CLASRP: variants seen among roughly 807,000 people sequenced by gnomAD.
CLASRP encodes the protein CLK4-associating serine/arginine rich protein.
Under a neutral mutation model 99.9 loss-of-function variants are expected in CLASRP, and 52 were observed. That is an observed-to-expected ratio of 0.52 (90% confidence interval 0.42 to 0.66). The LOEUF is 0.66. CLASRP is among the 30% of genes least tolerant of loss of function. The probability of loss-of-function intolerance (pLI) is 0.00; values close to 1 mark genes in which losing one functional copy is unlikely to be tolerated. For synonymous variants in CLASRP, 379 were observed against 373.0 expected (o/e 1.02, Z -0.18); for missense variants, 848 against 999.2 (o/e 0.85, Z 2.04).
intron 2 of CLASRP, among the ~76,000 whole-genome samples, chr19:45,045,526 A>AG (rs1555729627): frequency 2.6e-5 from 4 of 151,998 alleles, no homozygotes; most frequent in Non-Finnish European, 5.9e-5. Flanking sequence ...TTAAAAAAAA[A>AG]GTTTCGGGAT....
intron 5 of CLASRP, among the ~76,000 whole-genome samples, chr19:45,053,859 G>A (rs1438815231): frequency 6.6e-6 from 1 of 152,164 alleles, no homozygotes; most frequent in Non-Finnish European, 1.5e-5. Context: ...GGGCTCAAGT[G>A]ATCCTCCTGC....
chr19:45,041,504 GT>G (rs1318740726), intron 2 of CLASRP, among the ~76,000 whole-genome samples: 3 of 152,144 alleles, frequency 2.0e-5, no homozygotes, highest in African/African-American at 7.2e-5. Context: ...AATGGCACCT[GT>G]TTTCTAGGTT....
chr19:45,043,479 C>T (rs1971856376), intron 2 of CLASRP, among the ~76,000 whole-genome samples: 1 of 150,760 alleles, frequency 6.6e-6, no homozygotes, highest in Non-Finnish European at 1.5e-5. Context: ...CTCTGTGAGA[C>T]TGGGGACTAA....
intron 18 of CLASRP, 77 bp from the exon 19 acceptor site, chr19:45,069,945 G>T (rs1397596409): frequency 1.2e-6 from 1 of 814,166 alleles, no homozygotes; most frequent in South Asian, 1.4e-5. Flanking sequence ...TCGGAGTAGG[G>T]TGTTGGAAGC....
Position 45,067,225 on chromosome 19 carries a change from C to G in CLASRP, c.1410-112C>G, listed in dbSNP as rs1230768991. ...AGAGTAGCAGGAGAGGAGAGTCGAGCCTGTCACCCTGGGCCTTGCAGGAAG... is the reference window on the plus strand; with the variant it reads ...AGAGTAGCAGGAGAGGAGAGTCGAGGCTGTCACCCTGGGCCTTGCAGGAAG... On this transcript the variant is annotated intron_variant, in intron 13 of 20. Coordinates refer to ENST00000221455, the MANE Select transcript of CLASRP (RefSeq NM_007056.3). The surrounding 1 kb of genome is among the most constrained non-coding windows in gnomAD (Gnocchi z 4.9). The G allele has an allele frequency of 8.1e-7, 1 of 1,240,344 alleles. No homozygotes were observed. The highest frequency in any genetic ancestry group is 1.5e-5 in the African/African-American group (1 of 65,230). The allele number at this position is 1,240,344 out of a possible 1,614,324, so 76.8% of individuals were successfully genotyped here.
intron 2 of CLASRP, among the ~76,000 whole-genome samples, chr19:45,049,747 G>A (rs542770866): frequency 4.6e-5 from 7 of 152,280 alleles, no homozygotes; most frequent in Non-Finnish European, 1.0e-4. Context: ...GTTCTCAAGC[G>A]CCTGCTGTGG....
chr19:45,064,569 G>C lies in CLASRP; in HGVS notation c.1348G>C (p.Gly450Arg). Residue 450 changes from glycine to arginine, a missense_variant, in exon 13 of 21, where the codon GGA becomes CGA. Gly to Arg is a moderately radical substitution (Grantham distance 125). Transcript: ENST00000221455. Reference sequence around the variant, plus strand: ...GCACTCAGGTGGGGGCTCCCGAGACGGACACCGGTACTCCCGCTCGCCCGC... The same window carrying C: ...GCACTCAGGTGGGGGCTCCCGAGACCGACACCGGTACTCCCGCTCGCCCGC... ...RRHSGGGSRD[G>R]HRYSRSPARR... is the part of the protein sequence containing the mutation. 1 of 1,541,118 alleles carries C rather than the reference G, an allele frequency of 6.5e-7. No individual in the cohort carries two copies. Among genetic ancestry groups the C allele is most frequent in the South Asian group, 1.2e-5 (1 of 84,144 alleles).
Position 45,063,436 on chromosome 19 carries a change from C to CTTTTTT in CLASRP, c.906-554_906-549dup, listed in dbSNP as rs565600159. On this transcript the variant is annotated intron_variant, in intron 11 of 20. Transcript: ENST00000221455. ...GTGTTTTGTACAGAGATCTGCTTAT[C>CTTTTTT]TTTTTTTTTTTTTTTTTTTTTTTTT... Among the ~76,000 whole-genome samples, 343 of 42,378 alleles carry CTTTTTT rather than the reference C, an allele frequency of 8.1e-3. 80 individuals carry two copies. Among genetic ancestry groups the CTTTTTT allele is most frequent in the Middle Eastern group, 0.022 (1 of 46 alleles). The allele number at this position is 42,378 out of a possible 152,430, so 27.8% of individuals were successfully genotyped here. A position where few individuals can be genotyped will look rare whatever the true frequency, so the allele number is the denominator to read the frequency against.
At chr19:45,040,152 C>T in intron 1 of CLASRP, 32 bp from the exon 2 acceptor site, 1 of 1,282,372 alleles carries the variant, frequency 7.8e-7, no homozygotes, top group South Asian at 1.3e-5. Flanking sequence ...TTTCACAGAC[C>T]ATCTGACTTT....
rs779149874 is a variant in CLASRP at position 45,064,548 on chromosome 19, T to G, written c.1327T>G (p.Ser443Ala). The change falls in exon 13 of 21, where the codon TCA (serine) becomes GCA (alanine). Residue 443 changes from serine to alanine, a missense_variant. Ser to Ala is a moderately conservative substitution (Grantham distance 99). This residue lies in a region of CLASRP where 489 missense variants were observed against 434.7 expected (regional missense o/e 1.12). Transcript: ENST00000221455. ...GTCCCGTAGCCGTGGCCGGCGGCACTCAGGTGGGGGCTCCCGAGACGGACA... is the reference window on the plus strand; with the variant it reads ...GTCCCGTAGCCGTGGCCGGCGGCACGCAGGTGGGGGCTCCCGAGACGGACA... ...SRSRSRGRRH[S>A]GGGSRDGHRY... The G allele has an allele frequency of 1.1e-5, 17 of 1,538,740 alleles. No individual in the cohort carries two copies. In the East Asian group the frequency reaches 3.9e-4, roughly 35 times the overall value.
At chr19:45,068,142 G>C in intron 15 of CLASRP, 88 bp downstream of exon 15, 2 of 1,254,786 alleles carry the variant, frequency 1.6e-6, no homozygotes, top group South Asian at 1.2e-5. Flanking sequence ...GGGGGGCCCG[G>C]GTGGGCTGGG....
rs781146976 is a variant in CLASRP at position 45,064,575 on chromosome 19, C to G, written c.1354C>G (p.Arg452Gly). 7.8e-6 allele frequency: 12 copies of G among 1,541,772 alleles called. 1 individual carries two copies. The South Asian group carries it at 1.3e-4, about 17-fold the overall frequency. ...AGGTGGGGGCTCCCGAGACGGACAC[C>G]GGTACTCCCGCTCGCCCGCCCGGCG... ...HSGGGSRDGH[R>G]YSRSPARRGG... is the part of the protein sequence containing the mutation. Residue 452 changes from arginine (R) to glycine (G), a missense_variant, in exon 13 of 21, where the codon CGG becomes GGG. This residue lies in a region of CLASRP where 489 missense variants were observed against 434.7 expected (regional missense o/e 1.12). Coordinates refer to ENST00000221455, the MANE Select transcript of CLASRP (RefSeq NM_007056.3).
At chr19:45,048,629 C>T (rs1231415372) in intron 2 of CLASRP, among the ~76,000 whole-genome samples, 1 of 151,744 alleles carries the variant, frequency 6.6e-6, no homozygotes, top group African/African-American at 2.4e-5. Context: ...TCTGCTTATT[C>T]CTAATGTCAG....
chr19:45,065,555 C>T (rs1600113912), intron 13 of CLASRP, among the ~76,000 whole-genome samples: 1 of 146,902 alleles, frequency 6.8e-6, no homozygotes, highest in East Asian at 2.0e-4. Flanking sequence ...AGTGAGACTG[C>T]GTCTCAAGAA....
intron 2 of CLASRP, among the ~76,000 whole-genome samples, chr19:45,045,542 C>T (rs2122534809): frequency 6.6e-6 from 1 of 151,948 alleles, no homozygotes; most frequent in East Asian, 1.9e-4. Flanking sequence ...GGGATGTTTT[C>T]CCGTAACATT....
intron 11 of CLASRP, 29 bp from the exon 12 acceptor site, chr19:45,063,983 C>G (rs1223920907): frequency 6.3e-7 from 1 of 1,579,614 alleles, no homozygotes; most frequent in African/African-American, 1.3e-5. Context: ...GGAGCCTGAG[C>G]TAGTGAGCCT....
chr19:45,070,878 G>GT lies in CLASRP; in HGVS notation c.*34dup. 8.0e-7 allele frequency: 1 copy of GT among 1,246,224 alleles called. No homozygotes were observed. 77.2% of individuals were successfully genotyped at this position (1,246,224 alleles called of 1,614,324 possible). A position where few individuals can be genotyped will look rare whatever the true frequency, so the allele number is the denominator to read the frequency against. On this transcript the variant is annotated 3_prime_UTR_variant, in exon 21 of 21. Coordinates refer to ENST00000221455, the MANE Select transcript of CLASRP (RefSeq NM_007056.3). ...AGTGGGGGGTGGGGAGGACAAGGGG[G>GT]TGGGTAAGGGGCTCAAGCTGTGATG...
At chr19:45,055,196 C>G (rs1478081022) in intron 5 of CLASRP, among the ~76,000 whole-genome samples, 2 of 152,292 alleles carry the variant, frequency 1.3e-5, no homozygotes, top group East Asian at 3.9e-4. Flanking sequence ...CAATTGCAAA[C>G]CAAGGTGATG....
Position 45,052,828 on chromosome 19 carries a change from C to G in CLASRP, c.235C>G (p.Arg79Gly). ...WQGDTNNMID[R>G]FDVRAHLDHI... ...GGGGGACACCAACAACATGATTGAC[C>G]GATTCGATGTCCGTGCCCACCTGGA... The change falls in exon 4 of 21, where the codon CGA becomes GGA. Residue 79 changes from arginine to glycine, a missense_variant. Physicochemically the swap from Arg to Gly is moderately radical, Grantham distance 125 (BLOSUM62 -2). Around this residue, in one of 8 missense-constraint regions of CLASRP, gnomAD observed 46 missense variants for 96.8 expected, o/e 0.48. Coordinates refer to ENST00000221455, the MANE Select transcript of CLASRP (RefSeq NM_007056.3). 1 of 1,612,570 alleles carries G rather than the reference C, an allele frequency of 6.2e-7. No individual in the cohort carries two copies. The highest frequency in any genetic ancestry group is 8.5e-7 in the Non-Finnish European group (1 of 1,179,424).
Sources: allele counts gnomAD v4.1 joint callset (sites outside exome capture counted in the v4.1 genomes callset), GRCh38; gene constraint gnomAD v4.1.1; regional missense constraint gnomAD v4.1.1; non-coding constraint Gnocchi (gnomAD v3.1); transcripts MANE v1.5; gene names NCBI Gene and HGNC (gene_info 2026-07-23, HGNC 2026-07-21).